Variants in PLCXD3 observed in about 807,000 individuals in gnomAD.
PLCXD3 encodes the protein PI-PLC X domain-containing protein 3.
PLCXD3 carries 19 observed loss-of-function variants against 25.5 expected under a neutral mutation model. That is an observed-to-expected ratio of 0.75 (90% confidence interval 0.52 to 1.09). The LOEUF (loss-of-function observed/expected upper bound fraction) is 1.09, where lower values mean the gene tolerates loss of function less well. Ranked by LOEUF, PLCXD3 falls within the 50% of genes least tolerant of loss-of-function variation. PLCXD3 has a pLI of 0.00. For synonymous variants in PLCXD3, 174 were observed against 137.6 expected (o/e 1.26, Z -1.85); for missense variants, 411 against 388.1 (o/e 1.06, Z -0.50).
At chr5:41,409,161 T>C (rs1746442112) in intron 1 of PLCXD3, among the ~76,000 whole-genome samples, 1 of 152,134 alleles carries the variant, frequency 6.6e-6, no homozygotes, top group Non-Finnish European at 1.5e-5. Context: ...AAGAAAACAT[T>C]AAAAAATCTG....
chr5:41,316,914 C>G (rs926049837), intron 2 of PLCXD3, among the ~76,000 whole-genome samples: 1 of 152,238 alleles, frequency 6.6e-6, no homozygotes, highest in African/African-American at 2.4e-5. Flanking sequence ...TGGACCCACC[C>G]AGGGCTTGGG....
chr5:41,436,173 T>C (rs1747250444), intron 1 of PLCXD3, among the ~76,000 whole-genome samples: 2 of 152,058 alleles, frequency 1.3e-5, no homozygotes, highest in Non-Finnish European at 2.9e-5. Flanking sequence ...AGTTGAATAT[T>C]ACATGTGGTT....
At chr5:41,358,315 A>G (rs891282289) in intron 2 of PLCXD3, among the ~76,000 whole-genome samples, 1 of 151,966 alleles carries the variant, frequency 6.6e-6, no homozygotes, top group African/African-American at 2.4e-5. Flanking sequence ...TATTTCTTTT[A>G]TATTTCAGTA....
At chr5:41,313,803 A>G in intron 2 of PLCXD3, 33 bp from the exon 3 acceptor site, 1 of 1,540,512 alleles carries the variant, frequency 6.5e-7, no homozygotes, top group Non-Finnish European at 8.7e-7. Flanking sequence ...AAGTCACAGA[A>G]GGCAAGATAC....
chr5:41,323,200 G>A (rs1033256125), intron 2 of PLCXD3, among the ~76,000 whole-genome samples: 1 of 151,384 alleles, frequency 6.6e-6, no homozygotes, highest in African/African-American at 2.4e-5. Context: ...CAGAGAGAAG[G>A]ATGGTTACCA....
intron 2 of PLCXD3, among the ~76,000 whole-genome samples, chr5:41,336,897 T>C (rs1404613142): frequency 1.3e-5 from 2 of 152,106 alleles, no homozygotes; most frequent in African/African-American, 2.4e-5. Context: ...AGAGTAAACC[T>C]TCTGCACACA....
intron 1 of PLCXD3, among the ~76,000 whole-genome samples, chr5:41,472,889 T>C (rs1266935897): frequency 6.6e-6 from 1 of 152,212 alleles, no homozygotes; most frequent in Non-Finnish European, 1.5e-5. Context: ...TTACCTCATA[T>C]AAGGAACAAT....
At chr5:41,447,517 A>G (rs1167502526) in intron 1 of PLCXD3, among the ~76,000 whole-genome samples, 1 of 152,198 alleles carries the variant, frequency 6.6e-6, no homozygotes, top group Non-Finnish European at 1.5e-5. Flanking sequence ...GAGAGACAGA[A>G]CCAGTACACT....
chr5:41,336,171 A>G (rs181697102), intron 2 of PLCXD3, among the ~76,000 whole-genome samples: 4 of 152,264 alleles, frequency 2.6e-5, no homozygotes, highest in East Asian at 1.9e-4. Context: ...TATAATGACA[A>G]TAATAATGGT....
intron 1 of PLCXD3, among the ~76,000 whole-genome samples, chr5:41,420,345 T>C (rs2925731): frequency 0.92 from 140,320 of 152,308 alleles, 65,085 homozygotes; most frequent in African/African-American, 0.96. Flanking sequence ...AAATGCACAT[T>C]TTTTAGAGTC....
At chr5:41,429,655 C>G (rs1747045577) in intron 1 of PLCXD3, among the ~76,000 whole-genome samples, 1 of 151,638 alleles carries the variant, frequency 6.6e-6, no homozygotes, top group African/African-American at 2.4e-5. Flanking sequence ...GAAATGGATG[C>G]TATGCTTTAG....
chr5:41,364,328 A>G (rs1438494825), intron 2 of PLCXD3, among the ~76,000 whole-genome samples: 1 of 152,216 alleles, frequency 6.6e-6, no homozygotes, highest in African/African-American at 2.4e-5. Context: ...CACTACAATC[A>G]GTGTTAAGAC....
intron 1 of PLCXD3, among the ~76,000 whole-genome samples, chr5:41,419,908 T>A (rs1746779077): frequency 6.6e-6 from 1 of 152,236 alleles, no homozygotes; most frequent in African/African-American, 2.4e-5. Flanking sequence ...TGATTATTGT[T>A]AGAAAATTAT....
At chr5:41,484,795 A>G (rs1748483060) in intron 1 of PLCXD3, among the ~76,000 whole-genome samples, 1 of 152,180 alleles carries the variant, frequency 6.6e-6, no homozygotes, top group Non-Finnish European at 1.5e-5. Flanking sequence ...ATGTTAAAAT[A>G]TTGTTCTTAA....
intron 2 of PLCXD3, among the ~76,000 whole-genome samples, chr5:41,315,944 G>C (rs1743276811): frequency 6.6e-6 from 1 of 152,284 alleles, no homozygotes; most frequent in Middle Eastern, 3.4e-3. Flanking sequence ...ATAGTGTTCT[G>C]TGTCTCCAAG....
chr5:41,343,371 T>C (rs1744212531), intron 2 of PLCXD3, among the ~76,000 whole-genome samples: 1 of 152,048 alleles, frequency 6.6e-6, no homozygotes, highest in Non-Finnish European at 1.5e-5. Context: ...CTCTTTTACA[T>C]AAACAGAAAA....
chr5:41,404,846 A>T (rs1408873371), intron 1 of PLCXD3, among the ~76,000 whole-genome samples: 1 of 152,176 alleles, frequency 6.6e-6, no homozygotes. Flanking sequence ...TCAGACCAAG[A>T]AGGCCCCAGT....
At chr5:41,420,334 G>C (rs1282210161) in intron 1 of PLCXD3, among the ~76,000 whole-genome samples, 1 of 152,176 alleles carries the variant, frequency 6.6e-6, no homozygotes, top group Non-Finnish European at 1.5e-5. Flanking sequence ...CCTCAGCCCA[G>C]AAATGCACAT....
chr5:41,423,306 G>T (rs1746873088), intron 1 of PLCXD3, among the ~76,000 whole-genome samples: 1 of 152,054 alleles, frequency 6.6e-6, no homozygotes, highest in East Asian at 1.9e-4. Context: ...TTAGAATAAA[G>T]TTTTTTTATG....
Sources: gnomAD v4.1 joint callset for allele counts (sites outside exome capture counted in the v4.1 genomes callset) on GRCh38, gnomAD v4.1.1 for gene constraint, MANE v1.5 for transcripts, NCBI Gene and HGNC (gene_info 2026-07-23, HGNC 2026-07-21) for gene names.